Variants in LRRC4C observed in about 807,000 individuals in gnomAD.
The protein encoded by LRRC4C is leucine-rich repeat-containing protein 4C.
Under a neutral mutation model 33.6 loss-of-function variants are expected in LRRC4C, and 5 were observed. The ratio of observed to expected loss-of-function variants is 0.15; its 90% CI spans 0.08 to 0.31. The LOEUF (loss-of-function observed/expected upper bound fraction) is 0.31, where lower values mean the gene tolerates loss of function less well. Among genes scored for constraint, LRRC4C ranks in the 10% least tolerant of loss-of-function variants. LRRC4C has a pLI of 1.00. For missense variants in LRRC4C, 560 were observed against 796.7 expected (o/e 0.70, Z 3.58); for synonymous variants, 329 against 302.0 (o/e 1.09, Z -0.93).
intron 1 of LRRC4C, among the ~76,000 whole-genome samples, chr11:41,122,092 G>T (rs1213517404): frequency 6.6e-6 from 1 of 152,088 alleles, no homozygotes; most frequent in Admixed American, 6.6e-5. Context: ...AAGCTGGAGA[G>T]ATGCAAAAGC....
At chr11:40,727,401 A>G (rs1038101847) in intron 2 of LRRC4C, among the ~76,000 whole-genome samples, 1 of 152,200 alleles carries the variant, frequency 6.6e-6, no homozygotes, top group Admixed American at 6.5e-5. Context: ...TTTTCACCAT[A>G]TATAAAAAAT....
At chr11:40,354,251 C>T (rs1303026571) in intron 3 of LRRC4C, among the ~76,000 whole-genome samples, 1 of 152,108 alleles carries the variant, frequency 6.6e-6, no homozygotes, top group Non-Finnish European at 1.5e-5. Flanking sequence ...CCTGGAGCTG[C>T]GGGAGGGCTG....
At chr11:41,384,345 G>C (rs1953272368) in intron 1 of LRRC4C, among the ~76,000 whole-genome samples, 1 of 151,870 alleles carries the variant, frequency 6.6e-6, no homozygotes, top group South Asian at 2.1e-4. Context: ...ATTCATTTGA[G>C]TAGTACAGTA....
At chr11:41,342,592 G>C (rs1951676831) in intron 1 of LRRC4C, among the ~76,000 whole-genome samples, 1 of 152,238 alleles carries the variant, frequency 6.6e-6, no homozygotes, top group East Asian at 1.9e-4. Context: ...GTGTGCGCCT[G>C]TAATTCCAGA....
At chr11:40,602,005 A>G (rs990121232) in intron 3 of LRRC4C, among the ~76,000 whole-genome samples, 12 of 150,622 alleles carry the variant, frequency 8.0e-5, no homozygotes, top group African/African-American at 2.9e-4. Flanking sequence ...CCTGGCCAAC[A>G]TGGTGAAAAC....
At chr11:40,919,557 G>A (rs553685705) in intron 2 of LRRC4C, among the ~76,000 whole-genome samples, 1 of 151,890 alleles carries the variant, frequency 6.6e-6, no homozygotes, top group African/African-American at 2.4e-5. Context: ...TTCTTCCAGC[G>A]TATTCTGTGA....
At chr11:41,443,184 G>A (rs188956548) in intron 1 of LRRC4C, among the ~76,000 whole-genome samples, 53 of 141,818 alleles carry the variant, frequency 3.7e-4, no homozygotes, top group Admixed American at 1.3e-3. Context: ...AAGAATTAAC[G>A]AAGGCTTAGA....
In LRRC4C at chr11:40,984,350, G is replaced by C. The variant is rs374574158; in HGVS notation, c.-495-50627C>G. Reference sequence around the variant, plus strand: ...AGAAAGAAAGAAAGAAAGTAGGAAAGAGAAAGAAAGAAAAAAGAAAGAAAG... The same window carrying C: ...AGAAAGAAAGAAAGAAAGTAGGAAACAGAAAGAAAGAAAAAAGAAAGAAAG... On this transcript the variant is annotated intron_variant, in intron 1 of 6. Transcript: ENST00000528697. 4.1e-3 allele frequency among the ~76,000 whole-genome samples: 395 copies of C among 96,188 alleles called. 4 individuals carry two copies. The highest frequency in any genetic ancestry group is 0.014 in the African/African-American group (377 of 26,324). The allele number at this position is 96,188 out of a possible 152,430, so 63.1% of individuals were successfully genotyped here.
intron 1 of LRRC4C, among the ~76,000 whole-genome samples, chr11:41,223,872 G>T (rs991144187): frequency 6.6e-6 from 1 of 152,182 alleles, no homozygotes. Context: ...GTAGTTGATG[G>T]ATATCATCTC....
chr11:40,693,698 G>A (rs951007201), intron 2 of LRRC4C, among the ~76,000 whole-genome samples: 6 of 152,036 alleles, frequency 3.9e-5, no homozygotes, highest in Non-Finnish European at 7.4e-5. Flanking sequence ...CATAGCAAGA[G>A]GCACAGCAAA....
At chr11:40,849,735 C>A (rs1038911417) in intron 2 of LRRC4C, among the ~76,000 whole-genome samples, 1 of 151,962 alleles carries the variant, frequency 6.6e-6, no homozygotes, top group Non-Finnish European at 1.5e-5. Flanking sequence ...TTGTGTTTTC[C>A]AACTTGATTC....
chr11:40,409,981 T>C (rs917310553), intron 3 of LRRC4C, among the ~76,000 whole-genome samples: 1 of 152,086 alleles, frequency 6.6e-6, no homozygotes, highest in Non-Finnish European at 1.5e-5. Flanking sequence ...TATTAGTCAA[T>C]TAAAATAAAT....
chr11:40,387,959 T>A (rs944121326), intron 3 of LRRC4C, among the ~76,000 whole-genome samples: 1 of 152,158 alleles, frequency 6.6e-6, no homozygotes, highest in Admixed American at 6.5e-5. Flanking sequence ...CCTCCTGTGC[T>A]TGGTGCTCAT....
At chr11:40,801,231 G>A (rs994211107) in intron 2 of LRRC4C, among the ~76,000 whole-genome samples, 12 of 152,078 alleles carry the variant, frequency 7.9e-5, no homozygotes, top group Non-Finnish European at 1.2e-4. Flanking sequence ...AGCAATTTAT[G>A]AGAAAAATTT....
chr11:41,092,924 A>C (rs1007006604), intron 1 of LRRC4C, among the ~76,000 whole-genome samples: 1 of 152,238 alleles, frequency 6.6e-6, no homozygotes, highest in Non-Finnish European at 1.5e-5. Flanking sequence ...AAGAGAAATG[A>C]GCAGTATGAC....
At chr11:40,642,723 T>G (rs1374547411) in intron 3 of LRRC4C, among the ~76,000 whole-genome samples, 1 of 152,204 alleles carries the variant, frequency 6.6e-6, no homozygotes, top group Non-Finnish European at 1.5e-5. Context: ...ATTCAACAAT[T>G]ATTTGCAAGC....
At chr11:40,318,679 G>A (rs1392287819) in intron 4 of LRRC4C, among the ~76,000 whole-genome samples, 2 of 152,146 alleles carry the variant, frequency 1.3e-5, no homozygotes, top group African/African-American at 2.4e-5. Context: ...AGTCCACTGA[G>A]GAGTTAGCTA....
At chr11:41,003,720 T>C (rs1193728047) in intron 1 of LRRC4C, among the ~76,000 whole-genome samples, 1 of 151,786 alleles carries the variant, frequency 6.6e-6, no homozygotes, top group African/African-American at 2.4e-5. Context: ...TGGTATGCCT[T>C]CATAAATACT....
At chr11:40,509,582 T>C (rs577067528) in intron 3 of LRRC4C, among the ~76,000 whole-genome samples, 1 of 152,210 alleles carries the variant, frequency 6.6e-6, no homozygotes, top group Non-Finnish European at 1.5e-5. Flanking sequence ...GTATGTTATG[T>C]TTTCGGGACT....
Sources: gnomAD v4.1 joint callset for allele counts (sites outside exome capture counted in the v4.1 genomes callset) on GRCh38, gnomAD v4.1.1 for gene constraint, MANE v1.5 for transcripts, NCBI Gene and HGNC (gene_info 2026-07-23, HGNC 2026-07-21) for gene names.